Variants in TKFC observed in about 807,000 individuals in gnomAD.
TKFC encodes triokinase and FMN cyclase, also known as triokinase/FMN cyclase.
Under a neutral mutation model 61.0 loss-of-function variants are expected in TKFC, and 46 were observed. The ratio of observed to expected loss-of-function variants is 0.75; its 90% CI spans 0.60 to 0.96. TKFC has a LOEUF of 0.96. Among genes scored for constraint, TKFC ranks in the 50% least tolerant of loss-of-function variants. The probability of loss-of-function intolerance (pLI) is 0.00; values close to 1 mark genes in which losing one functional copy is unlikely to be tolerated. For synonymous variants in TKFC, 314 were observed against 330.1 expected, an observed-to-expected ratio of 0.95 and a Z score of 0.53; for missense variants, 715 against 777.5, an observed-to-expected ratio of 0.92 and a Z score of 0.96.
intron 9 of TKFC, 24 bp downstream of exon 9, chr11:61,342,682 T>C: frequency 1.2e-6 from 2 of 1,613,806 alleles, no homozygotes; most frequent in South Asian, 1.1e-5. Flanking sequence ...CGCCCGCGTC[T>C]CCCAACCCCT....
At chr11:61,333,526 C>T (rs1590707761) in intron 1 of TKFC, 197 bp downstream of exon 1, 7 of 152,440 alleles carry the variant, frequency 4.6e-5, no homozygotes, top group African/African-American at 1.7e-4. Context: ...AGAACCTTGC[C>T]TGCTTTCCTT....
rs958141083 is a variant in TKFC, at chr11:61,341,863, T to C, written c.606T>C (p.Gly202=). ...GVSLSSCSVP[G]SKPTFELSAD... is the part of the protein sequence containing the mutation. ...GCTTATCCTCCTGCAGCGTCCCTGG[T>C]TCCAAACCCACCTTCGAGCTCTCAG... The change falls in exon 7 of 18, where the codon GGT becomes GGC. Residue 202 remains glycine (G), a synonymous_variant. Coordinates refer to ENST00000394900, the MANE Select transcript of TKFC (RefSeq NM_015533.4). 2.5e-6 allele frequency: 4 copies of C among 1,613,892 alleles called. No homozygotes were observed. Among genetic ancestry groups the C allele is most frequent in the Non-Finnish European group, 2.5e-6 (3 of 1,179,886 alleles).
chr11:61,341,535 TG>T, intron 6 of TKFC, 21 bp downstream of exon 6: 2 of 1,553,196 alleles, frequency 1.3e-6, no homozygotes, highest in South Asian at 2.4e-5. Context: ...GCCTGGGAGC[TG>T]GGGAAGAGAG....
chr11:61,338,364 T>G (rs1228142045), intron 3 of TKFC, among the ~76,000 whole-genome samples: 4 of 152,212 alleles, frequency 2.6e-5, no homozygotes, highest in African/African-American at 9.6e-5. Flanking sequence ...CAAGTCCTTC[T>G]AGCTCTGAGA....
intron 10 of TKFC, 156 bp downstream of exon 10, chr11:61,343,000 T>C (rs1856937796): frequency 8.1e-6 from 6 of 737,274 alleles, no homozygotes; most frequent in Non-Finnish European, 2.2e-6. Flanking sequence ...CTCTGTTTGT[T>C]TTCTTGTCTG....
intron 7 of TKFC, chr11:61,342,174 T>TG: frequency 1.6e-6 from 1 of 610,778 alleles, no homozygotes; most frequent in Non-Finnish European, 2.9e-6. Context: ...CTCCTGTCCC[T>TG]GCCAGAATAC....
chr11:61,353,338 C>T, downstream of TKFC: 13 of 694,902 alleles, frequency 1.9e-5, no homozygotes, highest in East Asian at 2.8e-5. Flanking sequence ...AAATGACATG[C>T]TTAGCTACCA....
downstream of TKFC, chr11:61,350,476 C>T (rs1857346609): frequency 6.2e-7 from 1 of 1,600,226 alleles, no homozygotes; most frequent in African/African-American, 1.3e-5. Flanking sequence ...GGAGTCACAC[C>T]AGGCCCAAGC....
Position 61,345,364 on chromosome 11 carries a change from G to C in TKFC, c.1345G>C (p.Ala449Pro), listed in dbSNP as rs568743065. ...LLEKMGGSSGALYGLFLTAAA... is the reference protein window; with the variant it reads ...LLEKMGGSSGPLYGLFLTAAA... ...GGAGAAGATGGGAGGCTCATCTGGGGCGGTGGGTGCCTGGGGGCTGAAGGG... is the reference window on the plus strand; with the variant it reads ...GGAGAAGATGGGAGGCTCATCTGGGCCGGTGGGTGCCTGGGGGCTGAAGGG... Residue 449 changes from alanine to proline, a missense_variant and splice_region_variant, in exon 14 of 18, where the codon GCG (alanine) becomes CCG (proline). Ala to Pro is a conservative substitution (Grantham distance 27). Coordinates refer to ENST00000394900, the MANE Select transcript of TKFC (RefSeq NM_015533.4). 1 of 1,600,772 alleles carries C rather than the reference G, an allele frequency of 6.2e-7. No homozygotes were observed. Among genetic ancestry groups the C allele is most frequent in the South Asian group, 1.1e-5 (1 of 90,308 alleles).
rs375058339 is a variant in TKFC at position 61,342,586 on chromosome 11, G to A, written c.703G>A (p.Asp235Asn). The change falls in exon 9 of 18, where the codon GAT (aspartate) becomes AAT (asparagine). Residue 235 changes from aspartate (D) to asparagine (N), a missense_variant. Asp to Asn is a conservative substitution (Grantham distance 23, BLOSUM62 1). Transcript: ENST00000394900. ...GVRRIKMATADEIVKLMLDHM... is the reference protein window; with the variant it reads ...GVRRIKMATANEIVKLMLDHM... ...CTCCCTCTGACAGATGGCAACCGCC[G>A]ATGAGATTGTGAAACTCATGCTCGA... 64 of 1,613,994 alleles carry A rather than the reference G, an allele frequency of 4.0e-5. No individual in the cohort carries two copies. Among genetic ancestry groups the A allele is most frequent in the Non-Finnish European group, 5.1e-5 (60 of 1,180,044 alleles).
rs1213616974 is a variant in TKFC, at chr11:61,338,081, G to T, written c.144G>T (p.Arg48=). The T allele has an allele frequency of 3.7e-6, 6 of 1,610,172 alleles. No homozygotes were observed. The highest frequency in any genetic ancestry group is 5.1e-6 in the Non-Finnish European group (6 of 1,179,420). Residue 48 remains arginine (R), a synonymous_variant, in exon 3 of 18, where the codon CGG becomes CGT. Coordinates refer to ENST00000394900, the MANE Select transcript of TKFC (RefSeq NM_015533.4). ...LRSDLDSLKG[R]VALLSGGGSG... is the part of the protein sequence containing the mutation. The stretch of plus-strand genomic sequence containing the variant: ...CTGACCTGGACAGCCTCAAGGGCCG[G>T]GTGGCACTGCTGTCGGGTGGGGGCT...
downstream of TKFC, chr11:61,351,284 CTTT>C (rs909648792): frequency 0.027 from 7,964 of 289,666 alleles, no homozygotes; most frequent in South Asian, 0.045. Context: ...AACACCCTTT[CTTT>C]TTTTTTTTTT....
rs936509036 is a variant in TKFC, at chr11:61,347,096, T to A, written c.*593T>A. 52 of 985,630 alleles carry A rather than the reference T, an allele frequency of 5.3e-5. No individual in the cohort carries two copies. The Middle Eastern group carries it at 1.6e-3, about 30-fold the overall frequency. 61.1% of individuals were successfully genotyped at this position (985,630 alleles called of 1,614,324 possible). On this transcript the variant is annotated 3_prime_UTR_variant, in exon 18 of 18. Transcript: ENST00000394900. ...ACTGAGACCCCCGACCCATCCCCTT[T>A]CCAGTACACACACCTGATGCATGTA...
downstream of TKFC, chr11:61,349,608 G>C: frequency 1.4e-6 from 1 of 702,994 alleles, no homozygotes; most frequent in Non-Finnish European, 2.6e-6. Context: ...AAGTCACAGG[G>C]AAAGGCCGGG....
intron 5 of TKFC, chr11:61,339,672 G>A (rs1332638190): frequency 1.8e-6 from 1 of 552,066 alleles, no homozygotes. Context: ...CGGTCCTGGT[G>A]CTTCTCCTCC....
chr11:61,351,084 C>A, downstream of TKFC: 1 of 1,614,014 alleles, frequency 6.2e-7, no homozygotes, highest in Non-Finnish European at 8.5e-7. Flanking sequence ...CCACCAGCAT[C>A]CCGGTGCTGT....
chr11:61,344,158 G>C lies in TKFC; in HGVS notation c.1125G>C (p.Ala375=). The C allele has an allele frequency of 6.2e-7, 1 of 1,612,334 alleles. No homozygotes were observed. The highest frequency in any genetic ancestry group is 8.5e-7 in the Non-Finnish European group (1 of 1,180,006). ...TAGGCTCAGCCTCGAAGCGGATGGC[G>C]CTGGTGCTGGAACGGGTGTGCAGCA... ...AAGGSASKRM[A]LVLERVCSTL... The change falls in exon 13 of 18, where the codon GCG becomes GCC. Residue 375 remains alanine, a synonymous_variant. Transcript: ENST00000394900.
Position 61,346,797 on chromosome 11 carries a change from C to A in TKFC, c.*294C>A, listed in dbSNP as rs1857150513. On this transcript the variant is annotated 3_prime_UTR_variant, in exon 18 of 18. Transcript: ENST00000394900. This position sits in a 1 kb window ranked among gnomAD's most constrained non-coding sequence, Gnocchi z 4.1. ...TGGGCTTCAGAGATAAGGCATTTTC[C>A]TTGTGCAGCCTTTACCTGGCAATCC... The A allele has an allele frequency of 6.0e-6, 7 of 1,166,160 alleles. No individual in the cohort carries two copies. The highest frequency in any genetic ancestry group is 7.4e-6 in the Non-Finnish European group (7 of 944,560). The allele number at this position is 1,166,160 out of a possible 1,614,324, so 72.2% of individuals were successfully genotyped here.
downstream of TKFC, chr11:61,351,229 G>A: frequency 6.9e-7 from 1 of 1,445,292 alleles, no homozygotes; most frequent in Non-Finnish European, 9.2e-7. Context: ...GTCACTAACA[G>A]AGGGTGAGAA....
Sources: allele counts gnomAD v4.1 joint callset (sites outside exome capture counted in the v4.1 genomes callset), GRCh38; gene constraint gnomAD v4.1.1; non-coding constraint Gnocchi (gnomAD v3.1); transcripts MANE v1.5; gene names NCBI Gene and HGNC (gene_info 2026-07-23, HGNC 2026-07-21).